The following SLC4A4 variants were observed in gnomAD, a reference collection of about 807,000 sequenced individuals.
SLC4A4 encodes solute carrier family 4 member 4.
SLC4A4 carries 27 observed loss-of-function variants against 111.5 expected under a neutral mutation model. The observed-to-expected ratio is 0.24, with a 90% confidence interval of 0.18 to 0.33. The LOEUF (loss-of-function observed/expected upper bound fraction) is 0.33, where lower values mean the gene tolerates loss of function less well. Ranked by LOEUF, SLC4A4 falls within the 10% of genes least tolerant of loss-of-function variation. The pLI is 1.00. For synonymous variants in SLC4A4, 443 were observed against 463.4 expected (o/e 0.96, Z 0.57); for missense variants, 909 against 1,315.5 (o/e 0.69, Z 4.78).
chr4:71,451,214 A>G lies in SLC4A4; in HGVS notation c.1235A>G (p.Asn412Ser), dbSNP rs886059596. 15 of 1,610,828 alleles carry G rather than the reference A, an allele frequency of 9.3e-6. No individual in the cohort carries two copies. Among genetic ancestry groups the G allele is most frequent in the Middle Eastern group, 1.7e-4 (1 of 6,060 alleles). Residue 412 changes from asparagine (N) to serine (S), a missense_variant, in exon 11 of 26, where the codon AAT becomes AGT. By Grantham distance (46) the Asn-to-Ser change is conservative (BLOSUM62 1). Transcript: ENST00000264485. Reference sequence around the variant, plus strand: ...AAGAATATGTACTCAGGTGGAGAGAATGTTCAGATGAATGGGGATACGCCC... The same window carrying G: ...AAGAATATGTACTCAGGTGGAGAGAGTGTTCAGATGAATGGGGATACGCCC... ...KRKNMYSGGE[N>S]VQMNGDTPHD...
intron 1 of SLC4A4, among the ~76,000 whole-genome samples, chr4:71,066,042 G>GA (rs1465125487): frequency 6.6e-6 from 1 of 151,930 alleles, no homozygotes; most frequent in Non-Finnish European, 1.5e-5. Context: ...ATCAATGAAT[G>GA]AAAAATGACT....
intron 2 of SLC4A4, among the ~76,000 whole-genome samples, chr4:71,123,413 A>C (rs370717618): frequency 1.8e-4 from 28 of 152,214 alleles, no homozygotes; most frequent in Admixed American, 1.6e-3. Context: ...AGCAACATTG[A>C]TTGTTGGGAG....
At chr4:71,241,591 A>T (rs1324473322) in intron 2 of SLC4A4, among the ~76,000 whole-genome samples, 2 of 152,060 alleles carry the variant, frequency 1.3e-5, no homozygotes, top group Non-Finnish European at 2.9e-5. Flanking sequence ...AACCTATCGG[A>T]TGGGCAGGGA....
intron 1 of SLC4A4, among the ~76,000 whole-genome samples, chr4:71,199,598 TGATA>T (rs1362076434): frequency 6.6e-6 from 1 of 152,160 alleles, no homozygotes; most frequent in Non-Finnish European, 1.5e-5. Context: ...TTAGCTTGTG[TGATA>T]GATGGATTCT....
At chr4:71,531,501 T>G in intron 16 of SLC4A4, among the ~76,000 whole-genome samples, 1 of 152,094 alleles carries the variant, frequency 6.6e-6, no homozygotes, top group East Asian at 1.9e-4. Flanking sequence ...GATATTTACT[T>G]CACTCAAGGG....
intron 7 of SLC4A4, among the ~76,000 whole-genome samples, chr4:71,416,372 A>G (rs1721825514): frequency 6.6e-6 from 1 of 152,334 alleles, no homozygotes; most frequent in South Asian, 2.1e-4. Context: ...GAGATTGACA[A>G]CAATAATTAC....
chr4:71,317,445 A>G (rs1726778410), intron 3 of SLC4A4, among the ~76,000 whole-genome samples: 1 of 152,148 alleles, frequency 6.6e-6, no homozygotes, highest in African/African-American at 2.4e-5. Flanking sequence ...ATTAAAAGGA[A>G]TAGAAGGGAT....
chr4:71,364,246 C>G (rs1489529895), intron 6 of SLC4A4, among the ~76,000 whole-genome samples: 1 of 152,150 alleles, frequency 6.6e-6, no homozygotes, highest in Non-Finnish European at 1.5e-5. Flanking sequence ...TGTTTAGTAG[C>G]ATTGTGGTTA....
upstream of SLC4A4, among the ~76,000 whole-genome samples, chr4:71,186,358 A>G (rs908012693): frequency 7.2e-5 from 11 of 152,222 alleles, no homozygotes; most frequent in Non-Finnish European, 1.0e-4. Context: ...ATACGCCCCA[A>G]GTTTTATAAA....
At chr4:71,282,112 G>T (rs747402450) in intron 3 of SLC4A4, among the ~76,000 whole-genome samples, 2 of 151,898 alleles carry the variant, frequency 1.3e-5, no homozygotes, top group African/African-American at 2.4e-5. Flanking sequence ...CTTGAGATTT[G>T]AGCAGAAAAT....
At chr4:71,085,232 G>A (rs1407100078) in intron 1 of SLC4A4, among the ~76,000 whole-genome samples, 10 of 151,896 alleles carry the variant, frequency 6.6e-5, no homozygotes, top group Non-Finnish European at 1.3e-4. Flanking sequence ...CATATCCTTC[G>A]CCCACTTTTT....
At chr4:71,121,617 G>A (rs1337061980) in intron 2 of SLC4A4, among the ~76,000 whole-genome samples, 2 of 152,146 alleles carry the variant, frequency 1.3e-5, no homozygotes, top group African/African-American at 4.8e-5. Context: ...GCACCAATCA[G>A]CACTCTGTGT....
intron 1 of SLC4A4, among the ~76,000 whole-genome samples, chr4:71,223,677 A>C (rs1196845865): frequency 6.6e-6 from 1 of 152,014 alleles, no homozygotes; most frequent in African/African-American, 2.4e-5. Context: ...AGCCTGCCCA[A>C]AGCCAAGTAG....
intron 3 of SLC4A4, among the ~76,000 whole-genome samples, chr4:71,312,890 C>T (rs962758348): frequency 6.6e-6 from 1 of 152,162 alleles, no homozygotes; most frequent in African/African-American, 2.4e-5. Flanking sequence ...TCTCACCACT[C>T]CTATTCAACA....
At chr4:71,347,471 G>A (rs1488230148) in intron 4 of SLC4A4, among the ~76,000 whole-genome samples, 1 of 152,036 alleles carries the variant, frequency 6.6e-6, no homozygotes, top group Admixed American at 6.6e-5. Flanking sequence ...TCTCACACAT[G>A]GCACCATATC....
At chr4:71,273,258 G>A (rs1324134905) in intron 3 of SLC4A4, among the ~76,000 whole-genome samples, 1 of 152,176 alleles carries the variant, frequency 6.6e-6, no homozygotes, top group Non-Finnish European at 1.5e-5. Context: ...TAGTGGATCA[G>A]ATAAAGATAT....
intron 7 of SLC4A4, among the ~76,000 whole-genome samples, chr4:71,401,479 A>G (rs945334090): frequency 1.1e-4 from 16 of 152,122 alleles, no homozygotes; most frequent in Non-Finnish European, 1.9e-4. Context: ...AATCTACATA[A>G]ATAATCTCTT....
intron 2 of SLC4A4, among the ~76,000 whole-genome samples, chr4:71,129,385 A>G (rs1743640384): frequency 6.6e-6 from 1 of 152,218 alleles, no homozygotes; most frequent in African/African-American, 2.4e-5. Context: ...ATCATTAATT[A>G]TTAGAGAAAT....
At chr4:71,187,674 C>G (rs967300980) in intron 1 of SLC4A4, among the ~76,000 whole-genome samples, 1 of 152,156 alleles carries the variant, frequency 6.6e-6, no homozygotes, top group Non-Finnish European at 1.5e-5. Context: ...ACTGCTAAGT[C>G]CCCTGCGCGC....
Sources: gnomAD v4.1 joint callset for allele counts (sites outside exome capture counted in the v4.1 genomes callset) on GRCh38, gnomAD v4.1.1 for gene constraint, MANE v1.5 for transcripts, NCBI Gene and HGNC (gene_info 2026-07-23, HGNC 2026-07-21) for gene names.